DEK: variants seen among roughly 807,000 people sequenced by gnomAD.
The protein encoded by DEK is protein DEK.
Under a neutral mutation model 46.8 loss-of-function variants are expected in DEK, and 28 were observed. That is an observed-to-expected ratio of 0.60 (90% CI 0.44 to 0.82). The LOEUF (loss-of-function observed/expected upper bound fraction) is 0.82. DEK is among the 40% of genes least tolerant of loss of function. DEK has a pLI of 0.00. For missense variants in DEK, 416 were observed against 430.6 expected (o/e 0.97, Z 0.30); for synonymous variants, 160 against 144.5 (o/e 1.11, Z -0.77).
intron 6 of DEK, among the ~76,000 whole-genome samples, chr6:18,252,955 T>C (rs1193535181): frequency 6.6e-6 from 1 of 152,208 alleles, no homozygotes; most frequent in Non-Finnish European, 1.5e-5. Context: ...AACTCTCAAG[T>C]ACATGTCTTT....
intron 9 of DEK, among the ~76,000 whole-genome samples, chr6:18,233,565 G>T (rs1013126830): frequency 2.0e-5 from 3 of 152,162 alleles, no homozygotes; most frequent in African/African-American, 7.2e-5. Context: ...CTCAAAAGAA[G>T]ACATTTATGC....
intron 2 of DEK, among the ~76,000 whole-genome samples, chr6:18,263,229 C>T (rs1192390162): frequency 1.3e-5 from 2 of 152,096 alleles, no homozygotes; most frequent in African/African-American, 2.4e-5. Context: ...GGTTCGAAAC[C>T]GAGACAGTGC....
intron 7 of DEK, among the ~76,000 whole-genome samples, chr6:18,245,672 G>C (rs1791084158): frequency 1.3e-5 from 2 of 151,932 alleles, no homozygotes; most frequent in African/African-American, 2.4e-5. Context: ...CCTTTTTTCT[G>C]TACTCTGCAG....
At chr6:18,236,778 A>C (rs1346403528) in intron 8 of DEK, among the ~76,000 whole-genome samples, 178 bp from the exon 9 acceptor site, 3 of 152,210 alleles carry the variant, frequency 2.0e-5, no homozygotes, top group African/African-American at 7.2e-5. Flanking sequence ...CAATTTGAAA[A>C]ATCAAAAACT....
chr6:18,233,038 A>C (rs1372620548), intron 9 of DEK, among the ~76,000 whole-genome samples: 1 of 152,220 alleles, frequency 6.6e-6, no homozygotes, highest in Admixed American at 6.5e-5. Flanking sequence ...CCTCGGAAAT[A>C]ATACCACATA....
At chr6:18,237,285 G>T in intron 8 of DEK, 96 bp downstream of exon 8, 1 of 1,390,220 alleles carries the variant, frequency 7.2e-7, no homozygotes, top group Non-Finnish European at 9.5e-7. Context: ...GTTCTCTGCA[G>T]TTTACCTGTT....
rs1158394440 is a variant in DEK at position 18,236,432 on chromosome 6, C to CTA, written c.1047+18_1047+19dup. ...ATTTTTCTAGCAAAAGCAAAATAAT[C>CTA]TAAACATTTGTCTAATTACCTTTTT... On this transcript the variant is annotated intron_variant, in intron 9 of 10. Transcript: ENST00000652689. 3 of 1,603,860 alleles carry CTA rather than the reference C, an allele frequency of 1.9e-6. No homozygotes were observed. In the African/African-American group the frequency reaches 4.0e-5, roughly 22 times the overall value.
intron 7 of DEK, among the ~76,000 whole-genome samples, chr6:18,242,276 T>C (rs1019184752): frequency 3.3e-5 from 5 of 152,168 alleles, no homozygotes; most frequent in African/African-American, 4.8e-5. Flanking sequence ...GCCACGAGAA[T>C]TGCTGAACCT....
intron 5 of DEK, among the ~76,000 whole-genome samples, 178 bp from the exon 6 acceptor site, chr6:18,256,029 C>G (rs1018096306): frequency 6.6e-6 from 1 of 151,834 alleles, no homozygotes; most frequent in Admixed American, 6.6e-5. Flanking sequence ...CTCTTGTTGC[C>G]CAGGCTGGAG....
intron 8 of DEK, chr6:18,237,180 T>C: frequency 2.2e-6 from 1 of 461,846 alleles, no homozygotes; most frequent in Middle Eastern, 6.0e-4. Context: ...TCTCTGTCTC[T>C]CTCTCTATAT....
At chr6:18,254,452 A>C (rs958009732) in intron 6 of DEK, among the ~76,000 whole-genome samples, 10 of 152,212 alleles carry the variant, frequency 6.6e-5, no homozygotes, top group African/African-American at 1.9e-4. Flanking sequence ...AAAAACATAA[A>C]ATGCCACTCT....
intron 9 of DEK, among the ~76,000 whole-genome samples, chr6:18,232,713 G>A (rs1382407005): frequency 2.0e-5 from 3 of 152,088 alleles, no homozygotes; most frequent in African/African-American, 4.8e-5. Flanking sequence ...AATAAAAGAG[G>A]ACACAAACAA....
At chr6:18,248,783 A>G (rs1791234375) in intron 7 of DEK, among the ~76,000 whole-genome samples, 1 of 152,166 alleles carries the variant, frequency 6.6e-6, no homozygotes, top group Non-Finnish European at 1.5e-5. Context: ...ACATTTGACA[A>G]TGTCTGAAGA....
At chr6:18,236,333 T>C in intron 9 of DEK, 119 bp downstream of exon 9, 2 of 1,055,016 alleles carry the variant, frequency 1.9e-6, no homozygotes, top group Non-Finnish European at 2.7e-6. Context: ...TGGCATATAG[T>C]AGTTCAATAA....
chr6:18,254,421 C>CG (rs1179259727), intron 6 of DEK, among the ~76,000 whole-genome samples: 1 of 151,998 alleles, frequency 6.6e-6, no homozygotes, highest in African/African-American at 2.4e-5. Context: ...TTCTCTTAAG[C>CG]CAGACATTAA....
chr6:18,239,361 TAAA>T (rs377497301), intron 7 of DEK, among the ~76,000 whole-genome samples: 4 of 120,484 alleles, frequency 3.3e-5, no homozygotes, highest in African/African-American at 1.2e-4. Flanking sequence ...TTTTTTTTTT[TAAA>T]AAAAAGAGAT....
In DEK at chr6:18,225,056, T is replaced by A. The variant is rs887679991; in HGVS notation, c.*663A>T. 1.9e-5 allele frequency: 4 copies of A among 214,890 alleles called. No individual in the cohort carries two copies. The highest frequency in any genetic ancestry group is 9.0e-5 in the African/African-American group (4 of 44,298). The allele number at this position is 214,890 out of a possible 1,614,324, so 13.3% of individuals were successfully genotyped here. ...ATTCCATAGTCTACAACTATAAAGA[T>A]ACCTACCTATGTGAGTTTAAAAAGT... On this transcript the variant is annotated 3_prime_UTR_variant, in exon 11 of 11. Transcript: ENST00000652689.
chr6:18,243,774 G>C (rs1046440721), intron 7 of DEK, among the ~76,000 whole-genome samples: 10 of 152,128 alleles, frequency 6.6e-5, no homozygotes, highest in African/African-American at 2.4e-4. Flanking sequence ...TCACTGACTT[G>C]AGCAATCAAA....
chr6:18,228,409 G>A (rs1055938016), intron 9 of DEK, among the ~76,000 whole-genome samples: 10 of 151,942 alleles, frequency 6.6e-5, no homozygotes, highest in South Asian at 4.2e-4. Flanking sequence ...CAAGATGGCC[G>A]AATAGGAACA....
Sources: gnomAD v4.1 joint callset for allele counts (sites outside exome capture counted in the v4.1 genomes callset) on GRCh38, gnomAD v4.1.1 for gene constraint, MANE v1.5 for transcripts, NCBI Gene and HGNC (gene_info 2026-07-23, HGNC 2026-07-21) for gene names.